The following MLLT3 variants were observed in gnomAD, a reference collection of about 807,000 sequenced individuals.
The protein encoded by MLLT3 is MLLT3 super elongation complex subunit.
MLLT3 carries 4 observed loss-of-function variants against 53.2 expected under a neutral mutation model. That is an observed-to-expected ratio of 0.08 (90% CI 0.04 to 0.17). The LOEUF is 0.17. Among genes scored for constraint, MLLT3 ranks in the 10% least tolerant of loss-of-function variants. The probability of loss-of-function intolerance (pLI) is 1.00; values close to 1 mark genes in which losing one functional copy is unlikely to be tolerated. For synonymous variants in MLLT3, 283 were observed against 230.6 expected (o/e 1.23, Z -2.06); for missense variants, 569 against 684.0 (o/e 0.83, Z 1.87).
intron 4 of MLLT3, among the ~76,000 whole-genome samples, chr9:20,429,560 G>A (rs1416292344): frequency 6.6e-6 from 1 of 151,916 alleles, no homozygotes; most frequent in Admixed American, 6.6e-5. Flanking sequence ...GGAAAAAAAG[G>A]AAAAAAATCT....
chr9:20,515,419 C>CTA (rs1341104644), intron 2 of MLLT3, among the ~76,000 whole-genome samples: 1 of 152,106 alleles, frequency 6.6e-6, no homozygotes, highest in Non-Finnish European at 1.5e-5. Flanking sequence ...TGAATAGGGA[C>CTA]TATAGGGTTT....
chr9:20,504,924 G>C (rs545008440), intron 2 of MLLT3, among the ~76,000 whole-genome samples: 3 of 152,010 alleles, frequency 2.0e-5, no homozygotes, highest in African/African-American at 4.8e-5. Flanking sequence ...TTTTCAGAAA[G>C]GTATTTGTCC....
intron 2 of MLLT3, among the ~76,000 whole-genome samples, chr9:20,545,096 CAAAAAAAAAAA>C (rs60850984): frequency 6.2e-5 from 3 of 48,072 alleles, no homozygotes; most frequent in African/African-American, 1.6e-4. Flanking sequence ...CCTATCTCTA[CAAAAAAAAAAA>C]AAAAAAAAAA....
intron 10 of MLLT3, among the ~76,000 whole-genome samples, chr9:20,352,708 G>GT (rs1821058983): frequency 8.1e-6 from 1 of 122,810 alleles, no homozygotes; most frequent in Admixed American, 8.4e-5. Flanking sequence ...GCCATTAAAT[G>GT]TTAAAAAAAA....
rs1820988865 is a variant in MLLT3 at position 20,350,495 on chromosome 9, T to C, written c.1575+3030A>G. On this transcript the variant is annotated intron_variant, in intron 10 of 10. Transcript: ENST00000380338. The stretch of plus-strand genomic sequence containing the variant: ...CTGTAGTCCCAGCTACTTGGGAGGC[T>C]GAGGCAGGAGAATGGCGTGAACCCG... Among the ~76,000 whole-genome samples, 6 of 148,870 alleles carry C rather than the reference T, an allele frequency of 4.0e-5. No individual in the cohort carries two copies. In the South Asian group the frequency reaches 8.5e-4, roughly 21 times the overall value.
At chr9:20,427,893 GTAAT>G (rs1395806215) in intron 4 of MLLT3, among the ~76,000 whole-genome samples, 4 of 152,046 alleles carry the variant, frequency 2.6e-5, no homozygotes, top group African/African-American at 9.6e-5. Flanking sequence ...AAAAGCAGTG[GTAAT>G]TAATAATCAA....
chr9:20,391,492 C>G (rs1380547835), intron 5 of MLLT3, among the ~76,000 whole-genome samples: 1 of 152,156 alleles, frequency 6.6e-6, no homozygotes, highest in African/African-American at 2.4e-5. Context: ...AGAAAGCCCT[C>G]AAGCTAGATC....
chr9:20,351,242 G>A (rs761959500), intron 10 of MLLT3, among the ~76,000 whole-genome samples: 2 of 152,156 alleles, frequency 1.3e-5, no homozygotes, highest in Non-Finnish European at 2.9e-5. Flanking sequence ...CAGACAATTC[G>A]AAAAGAATGA....
intron 2 of MLLT3, among the ~76,000 whole-genome samples, chr9:20,574,529 T>G (rs1819607803): frequency 6.6e-6 from 1 of 152,234 alleles, no homozygotes; most frequent in Non-Finnish European, 1.5e-5. Context: ...GTCTATTGAG[T>G]ATGCAATAGC....
At chr9:20,406,500 A>C (rs549503701) in intron 5 of MLLT3, among the ~76,000 whole-genome samples, 45 of 152,110 alleles carry the variant, frequency 3.0e-4, no homozygotes, top group African/African-American at 1.1e-3. Context: ...GTGACATGAT[A>C]GTTTATCATA....
chr9:20,489,752 A>T (rs1824900802), intron 2 of MLLT3, among the ~76,000 whole-genome samples: 1 of 152,338 alleles, frequency 6.6e-6, no homozygotes, highest in South Asian at 2.1e-4. Flanking sequence ...AGTCTGTCGT[A>T]GCAGCTTCCT....
At position 20,536,840 on chromosome 9, in the gene MLLT3, T is replaced by A. The variant is rs142845286; in HGVS notation, c.194-80054A>T. ...TGGGACGACTCCTGCAGGTAGTAGC[T>A]GTTTAACTAGAAAAAAAAAAAAAAA... is the stretch of plus-strand genomic sequence containing the variant. On this transcript the variant is annotated intron_variant, in intron 2 of 10. Transcript: ENST00000380338. Among the ~76,000 whole-genome samples, 581 of 151,336 alleles carry A rather than the reference T, an allele frequency of 3.8e-3. 4 individuals carry two copies. The highest frequency in any genetic ancestry group is 0.013 in the African/African-American group (550 of 41,242).
At chr9:20,473,035 GTC>G (rs1824433856) in intron 2 of MLLT3, among the ~76,000 whole-genome samples, 2 of 152,126 alleles carry the variant, frequency 1.3e-5, no homozygotes, top group East Asian at 1.9e-4. Flanking sequence ...CCAGTTTTTG[GTC>G]TCTACTCTAG....
chr9:20,398,964 C>T (rs186331344), intron 5 of MLLT3, among the ~76,000 whole-genome samples: 4 of 152,266 alleles, frequency 2.6e-5, no homozygotes, highest in Admixed American at 2.6e-4. Flanking sequence ...GCTACACACT[C>T]CTTGGCTGGC....
chr9:20,556,315 ATTTT>A (rs1342038181), intron 2 of MLLT3, among the ~76,000 whole-genome samples: 1 of 152,182 alleles, frequency 6.6e-6, no homozygotes, highest in African/African-American at 2.4e-5. Flanking sequence ...GTATTGATAT[ATTTT>A]TATTACATAA....
intron 2 of MLLT3, among the ~76,000 whole-genome samples, chr9:20,590,430 G>A (rs1462707355): frequency 6.6e-6 from 1 of 152,160 alleles, no homozygotes; most frequent in Non-Finnish European, 1.5e-5. Flanking sequence ...TTAGACCATG[G>A]GGGCAGTTTC....
At chr9:20,529,299 T>C (rs1818271934) in intron 2 of MLLT3, among the ~76,000 whole-genome samples, 2 of 152,182 alleles carry the variant, frequency 1.3e-5, no homozygotes, top group Non-Finnish European at 2.9e-5. Context: ...TGGTTTGTTT[T>C]TGTTATTTTT....
chr9:20,466,585 G>A (rs948281307), intron 2 of MLLT3, among the ~76,000 whole-genome samples: 2 of 152,026 alleles, frequency 1.3e-5, no homozygotes, highest in Non-Finnish European at 2.9e-5. Flanking sequence ...TTGTAACTCT[G>A]GCATGTCTTT....
chr9:20,528,354 G>A (rs2118991515), intron 2 of MLLT3, among the ~76,000 whole-genome samples: 1 of 152,352 alleles, frequency 6.6e-6, no homozygotes, highest in South Asian at 2.1e-4. Context: ...TGTAGACAGG[G>A]ATAGCACACC....
Sources: gnomAD v4.1 joint callset for allele counts (sites outside exome capture counted in the v4.1 genomes callset) on GRCh38, gnomAD v4.1.1 for gene constraint, MANE v1.5 for transcripts, NCBI Gene and HGNC (gene_info 2026-07-23, HGNC 2026-07-21) for gene names.